The following HYAL3 variants were observed in gnomAD, a reference collection of about 807,000 sequenced individuals.
HYAL3 encodes hyaluronidase-3.
Under a neutral mutation model 29.6 loss-of-function variants are expected in HYAL3, and 25 were observed. The observed-to-expected ratio is 0.85, with a 90% CI of 0.62 to 1.18. The LOEUF is 1.18. Ranked by LOEUF, HYAL3 falls within the 50% of genes most tolerant of loss-of-function variation. The pLI is 0.00. For missense variants in HYAL3, 442 were observed against 548.4 expected (o/e 0.81, Z 1.94); for synonymous variants, 215 against 218.3 (o/e 0.99, Z 0.13).
chr3:50,299,024 T>G, intron 1 of HYAL3, 189 bp downstream of exon 1: 2 of 1,509,366 alleles, frequency 1.3e-6, no homozygotes, highest in Non-Finnish European at 1.8e-6. Context: ...TCCCTCCTAG[T>G]GGGTCACAGG....
Position 50,297,631 on chromosome 3 carries a change from C to A in HYAL3, c.-18+1582G>T, listed in dbSNP as rs1701908162. ...CCAGGCTGGAGGTTAAGACCCCAGTCTCCAGGCAGTAGCATCTCTTCAGAC... is the reference window on the plus strand; with the variant it reads ...CCAGGCTGGAGGTTAAGACCCCAGTATCCAGGCAGTAGCATCTCTTCAGAC... On this transcript the variant is annotated intron_variant, in intron 1 of 3. Coordinates refer to ENST00000336307, the MANE Select transcript of HYAL3 (RefSeq NM_003549.4). This position sits in a 1 kb window ranked among gnomAD's most constrained non-coding sequence, Gnocchi z 4.3. 1.8e-5 allele frequency: 27 copies of A among 1,461,012 alleles called. No individual in the cohort carries two copies. The highest frequency in any genetic ancestry group is 2.4e-5 in the Non-Finnish European group (27 of 1,112,164). 90.5% of individuals were successfully genotyped at this position (1,461,012 alleles called of 1,614,324 possible).
Position 50,295,611 on chromosome 3 carries a change from G to T in HYAL3, c.-9C>A. 6.5e-7 allele frequency: 1 copy of T among 1,533,666 alleles called. No homozygotes were observed. Among genetic ancestry groups the T allele is most frequent in the South Asian group, 1.3e-5 (1 of 79,668 alleles). ...CCCAGTTGCGTGGTCATTCCCCAAG[G>T]ATGGAAACCTGCAGGAGAGAGGGGG... is the stretch of plus-strand genomic sequence containing the variant. On this transcript the variant is annotated 5_prime_UTR_variant, in exon 2 of 4. Coordinates refer to ENST00000336307, the MANE Select transcript of HYAL3 (RefSeq NM_003549.4).
chr3:50,298,158 G>A, intron 1 of HYAL3: 1 of 929,208 alleles, frequency 1.1e-6, no homozygotes, highest in African/African-American at 1.8e-5. Flanking sequence ...CCCTCCATAG[G>A]AAAAACTGCC....
intron 1 of HYAL3, chr3:50,295,912 CA>C (rs2109287484): frequency 2.6e-6 from 1 of 377,612 alleles, no homozygotes; most frequent in East Asian, 4.1e-5. Context: ...TGTCCTCCCA[CA>C]ACTGTCACAA....
chr3:50,299,058 A>G (rs1702004346), intron 1 of HYAL3, 155 bp downstream of exon 1: 1 of 1,588,878 alleles, frequency 6.3e-7, no homozygotes, highest in Admixed American at 1.7e-5. Flanking sequence ...GGGAATGAGG[A>G]CTTCGAGAGC....
At chr3:50,296,309 A>G in intron 1 of HYAL3, 1 of 428,208 alleles carries the variant, frequency 2.3e-6, no homozygotes, top group Non-Finnish European at 4.2e-6. Flanking sequence ...CCTCAGGGCC[A>G]AGGTGGATCT....
intron 1 of HYAL3, 184 bp from the exon 2 acceptor site, chr3:50,295,803 T>C (rs962808953): frequency 1.7e-5 from 10 of 581,212 alleles, no homozygotes; most frequent in South Asian, 2.8e-5. Flanking sequence ...CTGGCTATGA[T>C]GCCCCGGGCA....
rs2269432 is a variant in HYAL3, at chr3:50,296,800, T to A, written c.-17-1181A>T. The A allele has an allele frequency of 0.042, 67,017 of 1,579,904 alleles. 12,564 individuals are homozygous for A. The East Asian group carries it at 0.54, about 13-fold the overall frequency. ...TGGGCAGTCAGGTTTGGGGCCTTCC[T>A]GGGTGGCCGGGGAGAGGGGGCTGTG... On this transcript the variant is annotated intron_variant, in intron 1 of 3. Transcript: ENST00000336307.
chr3:50,298,287 C>A (rs1265850011), intron 1 of HYAL3, among the ~76,000 whole-genome samples: 1 of 152,096 alleles, frequency 6.6e-6, no homozygotes, highest in African/African-American at 2.4e-5. Context: ...CACTCATGCA[C>A]CCATCAGGCT....
At position 50,297,413 on chromosome 3, in the gene HYAL3, C is replaced by T. The variant is rs587730310; in HGVS notation, c.-17-1794G>A. 64 of 1,613,200 alleles carry T rather than the reference C, an allele frequency of 4.0e-5. No homozygotes were observed. Among genetic ancestry groups the T allele is most frequent in the East Asian group, 3.3e-4 (15 of 44,878 alleles). ...AATCCAGGGGCAGCTTTGGCTGGCA[C>T]GCAGGATCCAGAGTCAGCTCAGCTG... is the stretch of plus-strand genomic sequence containing the variant. On this transcript the variant is annotated intron_variant, in intron 1 of 3. Transcript: ENST00000336307. This position sits in a 1 kb window ranked among gnomAD's most constrained non-coding sequence, Gnocchi z 4.3.
chr3:50,299,378 C>T lies in HYAL3; in HGVS notation c.-183G>A. 6.8e-7 allele frequency: 1 copy of T among 1,469,840 alleles called. No individual in the cohort carries two copies. Among genetic ancestry groups the T allele is most frequent in the Non-Finnish European group, 9.2e-7 (1 of 1,090,516 alleles). 91.0% of individuals were successfully genotyped at this position (1,469,840 alleles called of 1,614,324 possible). Reference sequence around the variant, plus strand: ...GCGGCACGCCACGGCGTTCTAAGGCCTCCCAGCACCCGCGCGTCGCCGCTT... The same window carrying T: ...GCGGCACGCCACGGCGTTCTAAGGCTTCCCAGCACCCGCGCGTCGCCGCTT... On this transcript the variant is annotated 5_prime_UTR_variant, in exon 1 of 4. Transcript: ENST00000336307.
intron 1 of HYAL3, chr3:50,296,607 A>G (rs1701849086): frequency 6.2e-7 from 1 of 1,613,776 alleles, no homozygotes; most frequent in African/African-American, 1.3e-5. Flanking sequence ...ATGGCCTCAG[A>G]TGTCTTTTTC....
At position 50,293,722 on chromosome 3, in the gene HYAL3, C is replaced by A. The variant is rs1701746267; in HGVS notation, c.895-1G>T. 1 of 1,613,522 alleles carries A rather than the reference C, an allele frequency of 6.2e-7. No homozygotes were observed. The highest frequency in any genetic ancestry group is 1.7e-5 in the Admixed American group (1 of 60,018). ...CACCAATGGACTGCACAAGGTCATC[C>A]TGGAGGCAGAGAGCTGCTAAGCCAG... On this transcript the variant is annotated splice_acceptor_variant, in intron 2 of 3. Coordinates refer to ENST00000336307, the MANE Select transcript of HYAL3 (RefSeq NM_003549.4). LOFTEE classifies it high-confidence loss of function.
chr3:50,297,203 G>A lies in HYAL3; in HGVS notation c.-17-1584C>T. ...GGCCCAGGGAGTGCAGGCGGGAGGTGCGGCTGCGGGGCCACTGATCATTGA... is the reference window on the plus strand; with the variant it reads ...GGCCCAGGGAGTGCAGGCGGGAGGTACGGCTGCGGGGCCACTGATCATTGA... On this transcript the variant is annotated intron_variant, in intron 1 of 3. Coordinates refer to ENST00000336307, the MANE Select transcript of HYAL3 (RefSeq NM_003549.4). The surrounding 1 kb of genome is among the most constrained non-coding windows in gnomAD (Gnocchi z 4.3). 1 of 1,612,704 alleles carries A rather than the reference G, an allele frequency of 6.2e-7. No homozygotes were observed. Among genetic ancestry groups the A allele is most frequent in the South Asian group, 1.1e-5 (1 of 90,912 alleles).
rs1553710221 is a variant in HYAL3, at chr3:50,292,954, G to A, written c.*292C>T. The A allele has an allele frequency of 1.3e-6, 2 of 1,538,486 alleles. No homozygotes were observed. The highest frequency in any genetic ancestry group is 1.7e-5 in the Admixed American group (1 of 58,060). On this transcript the variant is annotated 3_prime_UTR_variant, in exon 4 of 4. Transcript: ENST00000336307. ...ACGGCCCATCTGTGACCTCTCCATG[G>A]GCTTAGTGAGGTGTAGGCACAAAGC...
At chr3:50,294,638 T>G (rs1553710628) in intron 2 of HYAL3, 71 bp downstream of exon 2, 1 of 1,337,336 alleles carries the variant, frequency 7.5e-7, no homozygotes, top group Non-Finnish European at 9.9e-7. Context: ...AGGCAAGGTC[T>G]TCTCCTGGGA....
intron 1 of HYAL3, chr3:50,295,907 TC>T: frequency 5.2e-6 from 2 of 387,332 alleles, no homozygotes; most frequent in Admixed American, 4.0e-5. Context: ...CACTGTGTCC[TC>T]CCACAACTGT....
At chr3:50,298,105 G>A in intron 1 of HYAL3, 1 of 985,284 alleles carries the variant, frequency 1.0e-6, no homozygotes, top group Non-Finnish European at 1.2e-6. Context: ...GATAGAAGAT[G>A]CAAAGCAGAC....
chr3:50,292,896 C>T lies in HYAL3; in HGVS notation c.*350G>A. The T allele has an allele frequency of 1.3e-6, 2 of 1,496,650 alleles. No homozygotes were observed. Among genetic ancestry groups the T allele is most frequent in the Non-Finnish European group, 1.8e-6 (2 of 1,115,468 alleles). The allele number at this position is 1,496,650 out of a possible 1,614,324, so 92.7% of individuals were successfully genotyped here. A position where few individuals can be genotyped will look rare whatever the true frequency, so the allele number is the denominator to read the frequency against. On this transcript the variant is annotated 3_prime_UTR_variant, in exon 4 of 4. Coordinates refer to ENST00000336307, the MANE Select transcript of HYAL3 (RefSeq NM_003549.4). ...AACAGCTTAGCACTTTACCGACCTT[C>T]GCCAAGATTTTTTGGGGCCCATCTG...
Sources: gnomAD v4.1 joint callset for allele counts (sites outside exome capture counted in the v4.1 genomes callset) on GRCh38, gnomAD v4.1.1 for gene constraint, Gnocchi (gnomAD v3.1) non-coding constraint, MANE v1.5 for transcripts, NCBI Gene and HGNC (gene_info 2026-07-23, HGNC 2026-07-21) for gene names.